ATP2B2: variants seen among roughly 807,000 people sequenced by gnomAD.
ATP2B2 encodes plasma membrane calcium-transporting ATPase 2.
Under a neutral mutation model 120.0 loss-of-function variants are expected in ATP2B2, and 15 were observed. The observed-to-expected ratio is 0.12, with a 90% CI of 0.08 to 0.19. ATP2B2 has a LOEUF of 0.19. Among genes scored for constraint, ATP2B2 ranks in the 10% least tolerant of loss-of-function variants. ATP2B2 has a pLI of 1.00. For missense variants in ATP2B2, 1,045 were observed against 1,719.8 expected (o/e 0.61, Z 6.94); for synonymous variants, 694 against 700.3 (o/e 0.99, Z 0.14).
chr3:10,478,002 A>G (rs551016426), intron 1 of ATP2B2, among the ~76,000 whole-genome samples: 16 of 152,350 alleles, frequency 1.1e-4, no homozygotes, highest in Non-Finnish European at 2.4e-4. Context: ...CAGTCCTACT[A>G]GAATGCAAGA....
Position 10,375,378 on chromosome 3 carries a change from C to T in ATP2B2, c.1416+52G>A. ...CACCAGCCCCAGTGATTCCCCCAGG[C>T]CCTCAGCTGCAGCTGCATCAGCCGG... On this transcript the variant is annotated intron_variant, in intron 11 of 22. Coordinates refer to ENST00000360273, the MANE Select transcript of ATP2B2 (RefSeq NM_001001331.4). The surrounding 1 kb of genome is among the most constrained non-coding windows in gnomAD (Gnocchi z 4.2). The T allele has an allele frequency of 6.7e-7, 1 of 1,490,144 alleles. No homozygotes were observed. The highest frequency in any genetic ancestry group is 9.3e-7 in the Non-Finnish European group (1 of 1,075,208). The allele number at this position is 1,490,144 out of a possible 1,614,324, so 92.3% of individuals were successfully genotyped here. A position where few individuals can be genotyped will look rare whatever the true frequency, so the allele number is the denominator to read the frequency against.
chr3:10,340,236 A>G lies in ATP2B2; in HGVS notation c.3237+6T>C, dbSNP rs1455688328. ...AGGCACCTCCTGCGACCTACCAGGA[A>G]CTTACCTGGCCCCAAACGAGCTCTC... On this transcript the variant is annotated splice_donor_region_variant and intron_variant, in intron 21 of 22. Transcript: ENST00000360273. This position sits in a 1 kb window ranked among gnomAD's most constrained non-coding sequence, Gnocchi z 5.0. 1 of 1,613,864 alleles carries G rather than the reference A, an allele frequency of 6.2e-7. No individual in the cohort carries two copies. The highest frequency in any genetic ancestry group is 8.5e-7 in the Non-Finnish European group (1 of 1,179,906).
chr3:10,502,958 C>T (rs991868846), intron 1 of ATP2B2, among the ~76,000 whole-genome samples: 7 of 152,222 alleles, frequency 4.6e-5, no homozygotes, highest in Non-Finnish European at 8.8e-5. Context: ...CTAGATACAG[C>T]GTCCTCATCT....
At chr3:10,604,851 C>T (rs552115340) in intron 2 of ATP2B2, among the ~76,000 whole-genome samples, 1 of 152,178 alleles carries the variant, frequency 6.6e-6, no homozygotes, top group African/African-American at 2.4e-5. Context: ...TTTCACAGCT[C>T]GTGGGTGTGG....
At position 10,328,656 on chromosome 3, in the gene ATP2B2, G is replaced by T. The variant is rs1197439261; in HGVS notation, c.*158C>A. ...CAAACAGCATCGCAGCCAGAGAAAG[G>T]GTCTGTGGGTGGAAACGTTGGTTTT... is the stretch of plus-strand genomic sequence containing the variant. On this transcript the variant is annotated 3_prime_UTR_variant, in exon 23 of 23. Transcript: ENST00000360273. 9.7e-6 allele frequency: 7 copies of T among 725,100 alleles called. No homozygotes were observed. The South Asian group carries it at 1.4e-4, about 14-fold the overall frequency. The allele number at this position is 725,100 out of a possible 1,614,324, so 44.9% of individuals were successfully genotyped here.
Position 10,342,032 on chromosome 3 carries a change from C to A in ATP2B2, c.2917+720G>T, listed in dbSNP as rs1346070821. Among the ~76,000 whole-genome samples the A allele has an allele frequency of 6.6e-6, 1 of 152,250 alleles. No homozygotes were observed. The highest frequency in any genetic ancestry group is 1.9e-4 in the East Asian group (1 of 5,190). ...ATTCCATGTGGGACTGCGGGCCAGA[C>A]CCTTCCCCTCTCTGGGCCTCTGTTT... On this transcript the variant is annotated intron_variant, in intron 19 of 22. Transcript: ENST00000360273. This position sits in a 1 kb window ranked among gnomAD's most constrained non-coding sequence, Gnocchi z 4.4.
chr3:10,688,239 G>A (rs182700577), intron 1 of ATP2B2, among the ~76,000 whole-genome samples: 155 of 152,236 alleles, frequency 1.0e-3, no homozygotes, highest in African/African-American at 3.5e-3. Flanking sequence ...CCAGGTTTGC[G>A]TTTGCTCCTC....
intron 2 of ATP2B2, among the ~76,000 whole-genome samples, chr3:10,574,000 T>C (rs1428891562): frequency 1.3e-5 from 2 of 152,114 alleles, no homozygotes; most frequent in Non-Finnish European, 1.5e-5. Context: ...ATAAATCCTA[T>C]TGACACGTTC....
At chr3:10,703,901 G>C (rs928800292) in intron 1 of ATP2B2, among the ~76,000 whole-genome samples, 1 of 152,122 alleles carries the variant, frequency 6.6e-6, no homozygotes, top group African/African-American at 2.4e-5. Flanking sequence ...CCCTGCCCTA[G>C]TCACCCGGGG....
chr3:10,700,083 G>A (rs1330074864), intron 1 of ATP2B2, among the ~76,000 whole-genome samples: 1 of 152,032 alleles, frequency 6.6e-6, no homozygotes, highest in Non-Finnish European at 1.5e-5. Flanking sequence ...ACCTACTTTG[G>A]GCAATCTTCC....
At chr3:10,664,200 C>A (rs1457971318) in intron 1 of ATP2B2, among the ~76,000 whole-genome samples, 1 of 152,072 alleles carries the variant, frequency 6.6e-6, no homozygotes, top group Non-Finnish European at 1.5e-5. Flanking sequence ...GCTCCCTTTT[C>A]CTTTTATCAC....
intron 2 of ATP2B2, among the ~76,000 whole-genome samples, chr3:10,617,968 G>C (rs939743373): frequency 6.6e-6 from 1 of 152,230 alleles, no homozygotes; most frequent in Non-Finnish European, 1.5e-5. Flanking sequence ...CCACAGCTGT[G>C]TAACAGCCCA....
chr3:10,671,274 C>T (rs530116336), intron 1 of ATP2B2, among the ~76,000 whole-genome samples: 21 of 152,258 alleles, frequency 1.4e-4, no homozygotes, highest in African/African-American at 3.9e-4. Flanking sequence ...ACCAGGAGTC[C>T]GGAGAACTGG....
At chr3:10,478,800 T>A (rs1436295689) in intron 1 of ATP2B2, among the ~76,000 whole-genome samples, 2 of 152,254 alleles carry the variant, frequency 1.3e-5, no homozygotes. Flanking sequence ...AACTGGCTGA[T>A]GTGGTTTGGC....
intron 1 of ATP2B2, among the ~76,000 whole-genome samples, chr3:10,672,139 G>A (rs896220194): frequency 2.6e-5 from 4 of 152,272 alleles, no homozygotes; most frequent in East Asian, 1.9e-4. Flanking sequence ...GAGATAATAC[G>A]CCTCCACTGG....
intron 1 of ATP2B2, among the ~76,000 whole-genome samples, chr3:10,486,443 C>T (rs2125341152): frequency 6.6e-6 from 1 of 151,992 alleles, no homozygotes; most frequent in African/African-American, 2.4e-5. Context: ...AAGATCAGGC[C>T]CCTCTCTACT....
chr3:10,674,614 T>C (rs2071198299), intron 1 of ATP2B2, among the ~76,000 whole-genome samples: 1 of 152,268 alleles, frequency 6.6e-6, no homozygotes, highest in Admixed American at 6.5e-5. Context: ...TTTAACATTT[T>C]AGTTCTACAG....
chr3:10,693,303 G>A (rs916507607), intron 1 of ATP2B2, among the ~76,000 whole-genome samples: 2 of 152,224 alleles, frequency 1.3e-5, no homozygotes, highest in Non-Finnish European at 2.9e-5. Flanking sequence ...AATATGCCAT[G>A]GCTAAGGGCC....
intron 2 of ATP2B2, among the ~76,000 whole-genome samples, chr3:10,579,849 G>C (rs1196098829): frequency 1.5e-5 from 1 of 66,232 alleles, no homozygotes; most frequent in African/African-American, 4.9e-5. Context: ...ACAAAACAAA[G>C]AAACAGACCC....
Sources: allele counts gnomAD v4.1 joint callset (sites outside exome capture counted in the v4.1 genomes callset), GRCh38; gene constraint gnomAD v4.1.1; non-coding constraint Gnocchi (gnomAD v3.1); transcripts MANE v1.5; gene names NCBI Gene and HGNC (gene_info 2026-07-23, HGNC 2026-07-21).